HLA-DOA: variants seen among roughly 807,000 people sequenced by gnomAD.
HLA-DOA encodes the protein HLA class II histocompatibility antigen, DO alpha chain.
Under a neutral mutation model 22.9 loss-of-function variants are expected in HLA-DOA, and 27 were observed. The ratio of observed to expected loss-of-function variants is 1.18; its 90% CI spans 0.87 to 1.62. HLA-DOA has a LOEUF of 1.62. Among genes scored for constraint, HLA-DOA ranks in the 40% most tolerant of loss-of-function variants. The pLI, the probability that HLA-DOA is intolerant of heterozygous loss-of-function variation, is 0.00. For missense variants in HLA-DOA, 324 were observed against 332.4 expected (o/e 0.97, Z 0.20); for synonymous variants, 137 against 138.6 (o/e 0.99, Z 0.08).
At chr6:33,007,915 G>T in intron 2 of HLA-DOA, 98 bp downstream of exon 2, 8 of 1,452,280 alleles carry the variant, frequency 5.5e-6, no homozygotes, top group Non-Finnish European at 7.4e-6. Flanking sequence ...AGGCGCGGGC[G>T]CTGAGAGCGC....
At position 33,006,863 on chromosome 6, in the gene HLA-DOA, G is replaced by A. The variant is rs375454953; in HGVS notation, c.750-22C>T. The A allele has an allele frequency of 2.6e-4, 408 of 1,592,536 alleles. 1 individual carries two copies. Among genetic ancestry groups the A allele is most frequent in the Admixed American group, 7.8e-4 (47 of 59,998 alleles). On this transcript the variant is annotated intron_variant, in intron 4 of 4. Coordinates refer to ENST00000229829, the MANE Select transcript of HLA-DOA (RefSeq NM_002119.4). ...TTACCTAAAATAGCAGAAAACATAC[G>A]ATCGAGGTTGCTCAATTTCAATATG...
chr6:33,006,989 C>G, intron 4 of HLA-DOA, 91 bp downstream of exon 4: 1 of 1,525,574 alleles, frequency 6.6e-7, no homozygotes, highest in East Asian at 2.3e-5. Context: ...GACTTCTTTC[C>G]CCACAACAGA....
chr6:33,006,631 G>C lies in HLA-DOA; in HGVS notation c.*207C>G. On this transcript the variant is annotated 3_prime_UTR_variant, in exon 5 of 5. Transcript: ENST00000229829. ...TAGAGCAAGAATGTGTGTGTGTGTT[G>C]AATGGGAAGGGAAGCTAGTAGGTGT... 1 of 695,506 alleles carries C rather than the reference G, an allele frequency of 1.4e-6. No homozygotes were observed. The highest frequency in any genetic ancestry group is 2.7e-5 in the East Asian group (1 of 37,234). 43.1% of individuals were successfully genotyped at this position (695,506 alleles called of 1,614,324 possible).
At position 33,007,431 on chromosome 6, in the gene HLA-DOA, A is replaced by G. The variant is rs894375414; in HGVS notation, c.493T>C (p.Ser165Pro). The stretch of plus-strand genomic sequence containing the variant: ...TTGCGGAACAAATGGTCAGGCTGGG[A>G]ATAGAAGCTGGTCTGGGCCACTCCC... Reference protein sequence around the residue: ...TEGVAQTSFYSQPDHLFRKFH... With the variant: ...TEGVAQTSFYPQPDHLFRKFH... Residue 165 changes from serine to proline, a missense_variant, in exon 3 of 5, where the codon TCC (serine) becomes CCC (proline). By Grantham distance (74) the Ser-to-Pro change is moderately conservative. Transcript: ENST00000229829. 1.2e-6 allele frequency: 2 copies of G among 1,609,498 alleles called. No individual in the cohort carries two copies. The highest frequency in any genetic ancestry group is 3.3e-5 in the Admixed American group (2 of 59,772).
chr6:33,007,831 C>A, intron 2 of HLA-DOA, 182 bp downstream of exon 2: 1 of 916,140 alleles, frequency 1.1e-6, no homozygotes, highest in African/African-American at 1.7e-5. Flanking sequence ...AGGTGTCATT[C>A]CTCAAGGAGA....
Position 33,008,224 on chromosome 6 carries a change from C to G in HLA-DOA, c.120G>C (p.Gln40His), listed in dbSNP as rs768932742. 6.2e-7 allele frequency: 1 copy of G among 1,613,036 alleles called. No individual in the cohort carries two copies. The highest frequency in any genetic ancestry group is 1.3e-5 in the African/African-American group (1 of 75,040). Reference protein sequence around the residue: ...HMGSYGPAFYQSYGASGQFTH... With the variant: ...HMGSYGPAFYHSYGASGQFTH... Reference sequence around the variant, plus strand: ...TGAACTGGCCCGAGGCGCCGTAAGACTGGTAGAAGGCGGGTCCGTAGGAGC... The same window carrying G: ...TGAACTGGCCCGAGGCGCCGTAAGAGTGGTAGAAGGCGGGTCCGTAGGAGC... The change falls in exon 2 of 5, where the codon CAG becomes CAC. Residue 40 changes from glutamine (Q) to histidine (H), a missense_variant. Physicochemically the swap from Gln to His is conservative, Grantham distance 24. Coordinates refer to ENST00000229829, the MANE Select transcript of HLA-DOA (RefSeq NM_002119.4).
intron 1 of HLA-DOA, 126 bp from the exon 2 acceptor site, chr6:33,008,387 T>C (rs941083136): frequency 5.5e-5 from 82 of 1,490,150 alleles, no homozygotes; most frequent in Admixed American, 3.0e-4. Context: ...AGAGTCCTGT[T>C]CTGACACTGG....
rs372287354 is a variant in HLA-DOA at position 33,007,670 on chromosome 6, C to T, written c.332-78G>A. On this transcript the variant is annotated intron_variant, in intron 2 of 4. Transcript: ENST00000229829. ...ACTAGGACTGGGATTAAGGGACGTT[C>T]CCCCTTTGTAGCCATCTGTGGGCAG... 16 of 1,493,834 alleles carry T rather than the reference C, an allele frequency of 1.1e-5. No homozygotes were observed. The East Asian group carries it at 1.4e-4, about 13-fold the overall frequency. The allele number at this position is 1,493,834 out of a possible 1,614,324, so 92.5% of individuals were successfully genotyped here.
rs1434804056 is a variant in HLA-DOA at position 33,004,329 on chromosome 6, G to A, written c.*2509C>T. 1 of 152,190 alleles carries A rather than the reference G, an allele frequency of 6.6e-6. No individual in the cohort carries two copies. Among genetic ancestry groups the A allele is most frequent in the Non-Finnish European group, 1.5e-5 (1 of 68,036 alleles). 9.4% of individuals were successfully genotyped at this position (152,190 alleles called of 1,614,324 possible). ...GTTGGGTACACACGTATCTTGTGAT[G>A]TCTTCTGAGAACCAACTTATTCCTC... On this transcript the variant is annotated 3_prime_UTR_variant, in exon 5 of 5. Coordinates refer to ENST00000229829, the MANE Select transcript of HLA-DOA (RefSeq NM_002119.4).
In HLA-DOA at chr6:33,007,085, G is replaced by T; in HGVS notation, c.744C>A (p.Val248=). Residue 248 remains valine (V), a synonymous_variant, in exon 4 of 5, where the codon GTC becomes GTA. Transcript: ENST00000229829. Reference sequence around the variant, plus strand: ...GACTCCCGGGGCCTCTGCACCTGGGGACACTGGACACATATGTGCCCATGA... The same window carrying T: ...GACTCCCGGGGCCTCTGCACCTGGGTACACTGGACACATATGTGCCCATGA... ...LIIMGTYVSS[V]PR 2 of 1,610,650 alleles carry T rather than the reference G, an allele frequency of 1.2e-6. No individual in the cohort carries two copies. Among genetic ancestry groups the T allele is most frequent in the South Asian group, 1.1e-5 (1 of 90,862 alleles).
Position 33,006,786 on chromosome 6 carries a change from C to T in HLA-DOA, c.*52G>A. On this transcript the variant is annotated 3_prime_UTR_variant, in exon 5 of 5. Coordinates refer to ENST00000229829, the MANE Select transcript of HLA-DOA (RefSeq NM_002119.4). ...TGAGCACGCAGGGGCTGTCACAAAC[C>T]CATGAGGATCTGCAGGGTGTCTCCC... 6.2e-7 allele frequency: 1 copy of T among 1,613,016 alleles called. No individual in the cohort carries two copies. Among genetic ancestry groups the T allele is most frequent in the East Asian group, 2.2e-5 (1 of 44,880 alleles).
At chr6:33,007,677 T>C in intron 2 of HLA-DOA, 85 bp from the exon 3 acceptor site, 1 of 1,451,140 alleles carries the variant, frequency 6.9e-7, no homozygotes, top group South Asian at 1.3e-5. Flanking sequence ...GTTCCCCCTT[T>C]GTAGCCATCT....
chr6:33,006,415 C>A lies in HLA-DOA; in HGVS notation c.*423G>T. 3.5e-6 allele frequency: 1 copy of A among 285,434 alleles called. No homozygotes were observed. Among genetic ancestry groups the A allele is most frequent in the Non-Finnish European group, 6.7e-6 (1 of 148,594 alleles). The allele number at this position is 285,434 out of a possible 1,614,324, so 17.7% of individuals were successfully genotyped here. Reference sequence around the variant, plus strand: ...CTCAGGAGGCAAATTTCATGAAGTCCATGTGAAATGGCTCATTCACAAAGT... The same window carrying A: ...CTCAGGAGGCAAATTTCATGAAGTCAATGTGAAATGGCTCATTCACAAAGT... On this transcript the variant is annotated 3_prime_UTR_variant, in exon 5 of 5. Coordinates refer to ENST00000229829, the MANE Select transcript of HLA-DOA (RefSeq NM_002119.4).
rs191466236 is a variant in HLA-DOA at position 33,009,405 on chromosome 6, A to G, written c.82+50T>C. ...CCATGCCACCTCCTCATGTAACCCAACTCCGTAAATCTCTGCTCCCCGCCG... is the reference window on the plus strand; with the variant it reads ...CCATGCCACCTCCTCATGTAACCCAGCTCCGTAAATCTCTGCTCCCCGCCG... On this transcript the variant is annotated intron_variant, in intron 1 of 4. Coordinates refer to ENST00000229829, the MANE Select transcript of HLA-DOA (RefSeq NM_002119.4). The surrounding 1 kb of genome is among the most constrained non-coding windows in gnomAD (Gnocchi z 4.8). 2.8e-3 allele frequency: 3,846 copies of G among 1,374,352 alleles called. 127 individuals are homozygous for G. In the South Asian group the frequency reaches 0.047, roughly 17 times the overall value. The allele number at this position is 1,374,352 out of a possible 1,614,324, so 85.1% of individuals were successfully genotyped here.
chr6:33,008,236 G>T lies in HLA-DOA; in HGVS notation c.108C>A (p.Pro36=). ...TKADHMGSYG[P]AFYQSYGASG... ...AGGCGCCGTAAGACTGGTAGAAGGC[G>T]GGTCCGTAGGAGCCCATGTGGTCAG... Residue 36 remains proline, a synonymous_variant, in exon 2 of 5, where the codon CCC becomes CCA. Transcript: ENST00000229829. The T allele has an allele frequency of 6.2e-7, 1 of 1,612,572 alleles. No individual in the cohort carries two copies. Among genetic ancestry groups the T allele is most frequent in the Non-Finnish European group, 8.5e-7 (1 of 1,180,030 alleles).
rs779785221 is a variant in HLA-DOA, at chr6:33,007,201, T to C, written c.628A>G (p.Ile210Val). Residue 210 changes from isoleucine to valine, a missense_variant, in exon 4 of 5, where the codon ATT (isoleucine) becomes GTT (valine). Physicochemically the swap from Ile to Val is conservative, Grantham distance 29. Transcript: ENST00000229829. The stretch of plus-strand genomic sequence containing the variant: ...GTCTCCATGGCATCTGGTGGTGGAA[T>C]AGGCACCTGGAGCTCTAGGAGAGAA... ...LLRHWELQVP[I>V]PPPDAMETLV... is the part of the protein sequence containing the mutation. 5 of 1,613,782 alleles carry C rather than the reference T, an allele frequency of 3.1e-6. No homozygotes were observed. The highest frequency in any genetic ancestry group is 2.2e-5 in the South Asian group (2 of 91,080).
intron 2 of HLA-DOA, 21 bp from the exon 3 acceptor site, chr6:33,007,613 G>A: frequency 6.2e-7 from 1 of 1,600,510 alleles, no homozygotes; most frequent in Non-Finnish European, 8.5e-7. Flanking sequence ...CAGGCCCTGA[G>A]TCCACAGGCT....
Position 33,009,515 on chromosome 6 carries a change from C to T in HLA-DOA, c.22G>A (p.Val8Ile), listed in dbSNP as rs1216045626. 6.2e-7 allele frequency: 1 copy of T among 1,606,302 alleles called. No individual in the cohort carries two copies. The highest frequency in any genetic ancestry group is 8.5e-7 in the Non-Finnish European group (1 of 1,177,946). Residue 8 changes from valine (V) to isoleucine (I), a missense_variant, in exon 1 of 5, where the codon GTC (valine) becomes ATC (isoleucine). Physicochemically the swap from Val to Ile is conservative, Grantham distance 29. Coordinates refer to ENST00000229829, the MANE Select transcript of HLA-DOA (RefSeq NM_002119.4). The surrounding 1 kb of genome is among the most constrained non-coding windows in gnomAD (Gnocchi z 4.8). ...GTCATCAGGGTGTGGAACCCCAGGA[C>T]CAGCCCTGCTCTGAGGGCCATTACA... is the stretch of plus-strand genomic sequence containing the variant. MALRAGL[V>I]LGFHTLMTLL...
Position 33,006,589 on chromosome 6 carries a change from C to A in HLA-DOA, c.*249G>T. ...AACACCACCAAAGCATTTAGTGCTG[C>A]CAGCCAGAGCTTTGGGTAGAGCAAG... On this transcript the variant is annotated 3_prime_UTR_variant, in exon 5 of 5. Transcript: ENST00000229829. The A allele has an allele frequency of 1.6e-6, 1 of 621,914 alleles. No homozygotes were observed. Among genetic ancestry groups the A allele is most frequent in the Non-Finnish European group, 2.9e-6 (1 of 348,572 alleles). 38.5% of individuals were successfully genotyped at this position (621,914 alleles called of 1,614,324 possible). A position where few individuals can be genotyped will look rare whatever the true frequency, so the allele number is the denominator to read the frequency against.
Sources: allele counts gnomAD v4.1 joint callset, GRCh38; gene constraint gnomAD v4.1.1; non-coding constraint Gnocchi (gnomAD v3.1); transcripts MANE v1.5; gene names NCBI Gene and HGNC (gene_info 2026-07-23, HGNC 2026-07-21).